Variants in CLVS1 observed in about 807,000 individuals in gnomAD.
CLVS1 encodes clavesin-1.
Under a neutral mutation model 33.1 loss-of-function variants are expected in CLVS1, and 10 were observed. That is an observed-to-expected ratio of 0.30 (90% confidence interval 0.19 to 0.51). CLVS1 has a LOEUF of 0.51. Among genes scored for constraint, CLVS1 ranks in the 20% least tolerant of loss-of-function variants. The pLI is 0.97. For missense variants in CLVS1, 343 were observed against 433.4 expected, an observed-to-expected ratio of 0.79 and a Z score of 1.85; for synonymous variants, 163 against 166.1, an observed-to-expected ratio of 0.98 and a Z score of 0.14.
chr8:61,017,188 T>A, the CLVS1 span, among the ~76,000 whole-genome samples: 3 of 152,224 alleles, frequency 2.0e-5, no homozygotes, highest in Admixed American at 6.5e-5. Context: ...TTTCTCACAA[T>A]TTTTGGGCTC....
intron 2 of CLVS1, among the ~76,000 whole-genome samples, chr8:61,237,598 G>A (rs41332846): frequency 0.023 from 3,560 of 152,250 alleles, 142 homozygotes; most frequent in African/African-American, 0.078. Context: ...GGTCTAGAGA[G>A]GTAAAGTGAA....
intron 1 of CLVS1, among the ~76,000 whole-genome samples, chr8:61,097,330 AAAAT>A (rs1041640517): frequency 1.2e-4 from 19 of 152,052 alleles, no homozygotes; most frequent in African/African-American, 3.9e-4. Flanking sequence ...AATTAATTAA[AAAAT>A]AAACAAATAA....
the CLVS1 span, among the ~76,000 whole-genome samples, chr8:61,008,972 C>T: frequency 2.8e-3 from 428 of 152,200 alleles, 3 homozygotes; most frequent in African/African-American, 9.9e-3. Flanking sequence ...TATATCTATA[C>T]CTAATCTCTT....
chr8:61,164,463 A>T (rs1331494686), intron 2 of CLVS1, among the ~76,000 whole-genome samples: 1 of 152,160 alleles, frequency 6.6e-6, no homozygotes, highest in East Asian at 1.9e-4. Context: ...AAACATTGCG[A>T]TTCCCGCTGT....
intron 2 of CLVS1, among the ~76,000 whole-genome samples, chr8:61,220,642 G>GT (rs565187921): frequency 0.1 from 14,796 of 147,398 alleles, 1,155 homozygotes; most frequent in African/African-American, 0.23. Flanking sequence ...GGCTATACAG[G>GT]TTTTTTTTTT....
chr8:61,348,459 A>G (rs1812318153), intron 2 of CLVS1, among the ~76,000 whole-genome samples: 1 of 152,144 alleles, frequency 6.6e-6, no homozygotes, highest in South Asian at 2.1e-4. Context: ...GTGCACATGT[A>G]CCCTAGAACT....
At chr8:61,312,935 A>C (rs952249017) in intron 2 of CLVS1, among the ~76,000 whole-genome samples, 2 of 152,184 alleles carry the variant, frequency 1.3e-5, no homozygotes, top group Non-Finnish European at 2.9e-5. Context: ...AAATTGGTTC[A>C]GTCTCTTTGC....
chr8:61,476,572 G>A (rs372678450), intron 5 of CLVS1, among the ~76,000 whole-genome samples: 3 of 152,152 alleles, frequency 2.0e-5, no homozygotes, highest in Admixed American at 6.5e-5. Context: ...GTGAATGGGA[G>A]TTCACTCATG....
At chr8:61,407,564 C>T (rs1413512615) in intron 3 of CLVS1, among the ~76,000 whole-genome samples, 1 of 152,010 alleles carries the variant, frequency 6.6e-6, no homozygotes, top group African/African-American at 2.4e-5. Context: ...TGGGTGACAA[C>T]GAATTTTGTG....
intron 2 of CLVS1, among the ~76,000 whole-genome samples, chr8:61,257,982 A>T (rs1809121912): frequency 6.6e-6 from 1 of 152,110 alleles, no homozygotes; most frequent in African/African-American, 2.4e-5. Context: ...AGTGACTACT[A>T]CCACTGAGAG....
intron 2 of CLVS1, among the ~76,000 whole-genome samples, chr8:61,374,753 T>A (rs1009289821): frequency 6.6e-6 from 1 of 152,216 alleles, no homozygotes; most frequent in East Asian, 1.9e-4. Flanking sequence ...CAATTTTTTT[T>A]AATCTAGAGA....
intron 1 of CLVS1, among the ~76,000 whole-genome samples, chr8:61,068,203 A>G (rs1483610628): frequency 1.9e-5 from 2 of 105,552 alleles, no homozygotes; most frequent in Middle Eastern, 4.9e-3. Context: ...GTATATGTAT[A>G]TATATATATA....
chr8:61,160,254 C>T (rs1013958705), intron 2 of CLVS1, among the ~76,000 whole-genome samples: 3 of 152,106 alleles, frequency 2.0e-5, no homozygotes, highest in African/African-American at 7.2e-5. Flanking sequence ...GAAATCAGTA[C>T]CAATATTAAG....
intron 2 of CLVS1, among the ~76,000 whole-genome samples, chr8:61,232,976 A>G (rs952125838): frequency 6.6e-6 from 1 of 152,222 alleles, no homozygotes; most frequent in Non-Finnish European, 1.5e-5. Context: ...CCATATAACC[A>G]TATAAAATTT....
chr8:61,314,021 A>G (rs1335018904), intron 2 of CLVS1, among the ~76,000 whole-genome samples: 1 of 152,186 alleles, frequency 6.6e-6, no homozygotes, highest in Non-Finnish European at 1.5e-5. Context: ...CAGATGACTC[A>G]TCGCTTTCTC....
chr8:61,391,942 G>A (rs937812179), intron 3 of CLVS1, among the ~76,000 whole-genome samples: 1 of 152,116 alleles, frequency 6.6e-6, no homozygotes, highest in African/African-American at 2.4e-5. Context: ...CTTTTCTCAG[G>A]TCAGAGCATG....
At chr8:61,433,697 G>A (rs1401899706) in intron 3 of CLVS1, among the ~76,000 whole-genome samples, 1 of 151,978 alleles carries the variant, frequency 6.6e-6, no homozygotes, top group Non-Finnish European at 1.5e-5. Flanking sequence ...TGAAGGGCAA[G>A]TAGAAGTTGG....
At chr8:61,146,473 C>T (rs1806419958) in intron 2 of CLVS1, among the ~76,000 whole-genome samples, 1 of 152,198 alleles carries the variant, frequency 6.6e-6, no homozygotes, top group Admixed American at 6.5e-5. Flanking sequence ...TCCATGAAAT[C>T]TGTGCCCAGG....
intron 3 of CLVS1, among the ~76,000 whole-genome samples, chr8:61,404,903 G>C (rs1327693724): frequency 6.6e-6 from 1 of 152,162 alleles, no homozygotes; most frequent in Non-Finnish European, 1.5e-5. Context: ...TCTATGTCAA[G>C]CTCGATCCCC....
Sources: gnomAD v4.1 joint callset for allele counts (sites outside exome capture counted in the v4.1 genomes callset) on GRCh38, gnomAD v4.1.1 for gene constraint, MANE v1.5 for transcripts, NCBI Gene and HGNC (gene_info 2026-07-23, HGNC 2026-07-21) for gene names.